The following KCNQ1OT1 variants were observed in gnomAD, a reference collection of about 807,000 sequenced individuals.
KCNQ1OT1 encodes KCNQ1 antisense RNA 2 (non-protein coding).
chr11:2,672,698 G>C (rs186873369), exon 1 of KCNQ1OT1: 1 of 398,886 alleles, frequency 2.5e-6, no homozygotes, highest in East Asian at 3.6e-5. Context: ...GCTGATGGCA[G>C]AGCCAAGGCC....
rs145471896 is a variant in KCNQ1OT1 at position 2,671,575 on chromosome 11, C to T, written n.28420G>A. The T allele has an allele frequency of 2.5e-6, 1 of 398,604 alleles. No individual in the cohort carries two copies. Among genetic ancestry groups the T allele is most frequent in the East Asian group, 3.6e-5 (1 of 28,082 alleles). The allele number at this position is 398,604 out of a possible 1,614,324, so 24.7% of individuals were successfully genotyped here. A position where few individuals can be genotyped will look rare whatever the true frequency, so the allele number is the denominator to read the frequency against. On this transcript the variant is annotated non_coding_transcript_exon_variant, in exon 1 of 1. Transcript: ENST00000597346. This position sits in a 1 kb window ranked among gnomAD's most constrained non-coding sequence, Gnocchi z 4.7. ...TATCTCCTAAGTCTTTGGCACTGAG[C>T]ATTTATACAAGATCAGACTGCACTG...
At position 2,663,838 on chromosome 11, in the gene KCNQ1OT1, G is replaced by A; in HGVS notation, n.36157C>T. 2.5e-6 allele frequency: 1 copy of A among 398,718 alleles called. No homozygotes were observed. Among genetic ancestry groups the A allele is most frequent in the African/African-American group, 2.1e-5 (1 of 48,764 alleles). 24.7% of individuals were successfully genotyped at this position (398,718 alleles called of 1,614,324 possible). On this transcript the variant is annotated non_coding_transcript_exon_variant, in exon 1 of 1. Transcript: ENST00000597346. The surrounding 1 kb of genome is among the most constrained non-coding windows in gnomAD (Gnocchi z 5.2). ...GCTGCCAGTGCTGGTATCAGCACATGCCAAGCTCCCTGGAGCCAGAGGTTA... is the reference window on the plus strand; with the variant it reads ...GCTGCCAGTGCTGGTATCAGCACATACCAAGCTCCCTGGAGCCAGAGGTTA...
At chr11:2,694,976 A>G in exon 1 of KCNQ1OT1, 1 of 398,724 alleles carries the variant, frequency 2.5e-6, no homozygotes, top group East Asian at 3.6e-5. Flanking sequence ...AACAAAGAAG[A>G]AGAAGGCTGG....
chr11:2,629,376 C>A, exon 1 of KCNQ1OT1: 2 of 398,396 alleles, frequency 5.0e-6, no homozygotes, highest in Non-Finnish European at 8.9e-6. Context: ...CTGTGCCTTT[C>A]ATATTATATC....
At position 2,623,794 on chromosome 11, in the gene KCNQ1OT1, G is replaced by T. The variant is rs1373779451; in HGVS notation, n.76201C>A. ...TCCTTTGAGTAAATACCAAGGATGT[G>T]ATTGCTGAACTGCATGGTAAGAATA... On this transcript the variant is annotated non_coding_transcript_exon_variant, in exon 1 of 1. Coordinates refer to ENST00000597346, the Ensembl canonical transcript of KCNQ1OT1. This position sits in a 1 kb window ranked among gnomAD's most constrained non-coding sequence, Gnocchi z 5.2. 9 of 398,412 alleles carry T rather than the reference G, an allele frequency of 2.3e-5. No individual in the cohort carries two copies. The highest frequency in any genetic ancestry group is 4.4e-5 in the Admixed American group (1 of 22,700). 24.7% of individuals were successfully genotyped at this position (398,412 alleles called of 1,614,324 possible).
exon 1 of KCNQ1OT1, chr11:2,630,851 A>G (rs979629045): frequency 7.5e-6 from 3 of 398,368 alleles, no homozygotes; most frequent in African/African-American, 6.2e-5. Flanking sequence ...TTTGCTGTGT[A>G]AAGTATTCTT....
In KCNQ1OT1 at chr11:2,663,534, A is replaced by T. The variant is rs1367043329; in HGVS notation, n.36461T>A. ...TTGCCTCTTGGCTGTCCCCTCAGAG[A>T]GGGGACTGTCCCTTCTCATCCTTCT... On this transcript the variant is annotated non_coding_transcript_exon_variant, in exon 1 of 1. Coordinates refer to ENST00000597346, the Ensembl canonical transcript of KCNQ1OT1. This position sits in a 1 kb window ranked among gnomAD's most constrained non-coding sequence, Gnocchi z 5.2. The T allele has an allele frequency of 2.5e-6, 1 of 398,422 alleles. No homozygotes were observed. The highest frequency in any genetic ancestry group is 4.4e-6 in the Non-Finnish European group (1 of 226,074). 24.7% of individuals were successfully genotyped at this position (398,422 alleles called of 1,614,324 possible). A position where few individuals can be genotyped will look rare whatever the true frequency, so the allele number is the denominator to read the frequency against.
chr11:2,615,514 CA>C lies in KCNQ1OT1; in HGVS notation n.84480del, dbSNP rs1343814717. On this transcript the variant is annotated non_coding_transcript_exon_variant, in exon 1 of 1. Transcript: ENST00000597346. Reference sequence around the variant, plus strand: ...GGAGAAATTTTTCAGTTTTTTTTCTCATTAAGTATATTAGTTGTGGATTTTT... The same window carrying C: ...GGAGAAATTTTTCAGTTTTTTTTCTCTTAAGTATATTAGTTGTGGATTTTT... 21 of 397,706 alleles carry C rather than the reference CA, an allele frequency of 5.3e-5. No individual in the cohort carries two copies. The Admixed American group carries it at 9.3e-4, about 18-fold the overall frequency. 24.6% of individuals were successfully genotyped at this position (397,706 alleles called of 1,614,324 possible). A position where few individuals can be genotyped will look rare whatever the true frequency, so the allele number is the denominator to read the frequency against.
chr11:2,689,655 C>A (rs1431432177), exon 1 of KCNQ1OT1: 10 of 398,582 alleles, frequency 2.5e-5, no homozygotes, highest in Non-Finnish European at 4.4e-5. Flanking sequence ...AGGTCACAAG[C>A]CTCCTGAGAG....
rs79955815 is a variant in KCNQ1OT1 at position 2,630,814 on chromosome 11, G to C, written n.69181C>G. 7.0e-3 allele frequency: 2,773 copies of C among 398,446 alleles called. 54 individuals carry two copies. Among genetic ancestry groups the C allele is most frequent in the African/African-American group, 0.051 (2,500 of 48,740 alleles). 24.7% of individuals were successfully genotyped at this position (398,446 alleles called of 1,614,324 possible). A position where few individuals can be genotyped will look rare whatever the true frequency, so the allele number is the denominator to read the frequency against. The stretch of plus-strand genomic sequence containing the variant: ...ACTTTTGTTTACCTGAGGAAGTCTT[G>C]TATCTGTTTCATATCTGAAGGACAG... On this transcript the variant is annotated non_coding_transcript_exon_variant, in exon 1 of 1. Coordinates refer to ENST00000597346, the Ensembl canonical transcript of KCNQ1OT1.
At position 2,664,487 on chromosome 11, in the gene KCNQ1OT1, G is replaced by A. The variant is rs1850027224; in HGVS notation, n.35508C>T. On this transcript the variant is annotated non_coding_transcript_exon_variant, in exon 1 of 1. Transcript: ENST00000597346. The surrounding 1 kb of genome is among the most constrained non-coding windows in gnomAD (Gnocchi z 5.1). The stretch of plus-strand genomic sequence containing the variant: ...TAGAGGCCCCACTCCATCTGGGGGA[G>A]AAGGCTGGCAGCAGTGGGCACCCTG... 1 of 398,662 alleles carries A rather than the reference G, an allele frequency of 2.5e-6. No individual in the cohort carries two copies. The highest frequency in any genetic ancestry group is 1.3e-4 in the South Asian group (1 of 7,866). 24.7% of individuals were successfully genotyped at this position (398,662 alleles called of 1,614,324 possible).
At chr11:2,636,305 G>T (rs1849463859) in exon 1 of KCNQ1OT1, 1 of 152,104 alleles carries the variant, frequency 6.6e-6, no homozygotes. Context: ...CATTCAGTAT[G>T]ATATTGGCTG....
chr11:2,688,762 CCACCTATACCA>C (rs1230518622), exon 1 of KCNQ1OT1: 1 of 398,836 alleles, frequency 2.5e-6, no homozygotes. Flanking sequence ...GTGGCAGTTT[CCACCTATACCA>C]CACCTATATA....
In KCNQ1OT1 at chr11:2,658,929, T is replaced by C. The variant is rs73417396; in HGVS notation, n.41066A>G. ...CCCTATGTGAAGCAAATTTACCTAC[T>C]AGATTAGAGTGTTTAGGACAGACTT... On this transcript the variant is annotated non_coding_transcript_exon_variant, in exon 1 of 1. Coordinates refer to ENST00000597346, the Ensembl canonical transcript of KCNQ1OT1. The surrounding 1 kb of genome is among the most constrained non-coding windows in gnomAD (Gnocchi z 4.9). 530 of 398,562 alleles carry C rather than the reference T, an allele frequency of 1.3e-3. 5 individuals carry two copies. Among genetic ancestry groups the C allele is most frequent in the African/African-American group, 9.9e-3 (484 of 48,718 alleles). 24.7% of individuals were successfully genotyped at this position (398,562 alleles called of 1,614,324 possible).
rs1383035176 is a variant in KCNQ1OT1, at chr11:2,620,211, A to ATATTTT, written n.79783_79784insAAAATA. On this transcript the variant is annotated non_coding_transcript_exon_variant, in exon 1 of 1. Transcript: ENST00000597346. The surrounding 1 kb of genome is among the most constrained non-coding windows in gnomAD (Gnocchi z 4.5). ...TAAGTTCATTCATGTATATATATAT[A>ATATTTT]TTTTTTTTTTTTATTTTTTTTTTAG... 899 of 261,968 alleles carry ATATTTT rather than the reference A, an allele frequency of 3.4e-3. 6 individuals are homozygous for ATATTTT. The highest frequency in any genetic ancestry group is 0.019 in the African/African-American group (728 of 38,098). The allele number at this position is 261,968 out of a possible 1,614,324, so 16.2% of individuals were successfully genotyped here.
At position 2,647,139 on chromosome 11, in the gene KCNQ1OT1, G is replaced by C; in HGVS notation, n.52856C>G. ...TCATATATGACCTTCATTGAGTTAT[G>C]TTCCTTCTAGACATTATGTGATGAG... On this transcript the variant is annotated non_coding_transcript_exon_variant, in exon 1 of 1. Transcript: ENST00000597346. This position sits in a 1 kb window ranked among gnomAD's most constrained non-coding sequence, Gnocchi z 4.0. 2.5e-6 allele frequency: 1 copy of C among 398,278 alleles called. No individual in the cohort carries two copies. The highest frequency in any genetic ancestry group is 3.6e-5 in the East Asian group (1 of 28,020). The allele number at this position is 398,278 out of a possible 1,614,324, so 24.7% of individuals were successfully genotyped here.
Position 2,623,834 on chromosome 11 carries a change from A to G in KCNQ1OT1, n.76161T>C, listed in dbSNP as rs1849216412. 2.5e-6 allele frequency: 1 copy of G among 398,624 alleles called. No individual in the cohort carries two copies. The highest frequency in any genetic ancestry group is 3.6e-5 in the East Asian group (1 of 28,070). 24.7% of individuals were successfully genotyped at this position (398,624 alleles called of 1,614,324 possible). ...TGGTAAGAATATGTTTAATTTTATAAGAAACCACTGATTTCGATATACTCT... is the reference window on the plus strand; with the variant it reads ...TGGTAAGAATATGTTTAATTTTATAGGAAACCACTGATTTCGATATACTCT... On this transcript the variant is annotated non_coding_transcript_exon_variant, in exon 1 of 1. Transcript: ENST00000597346. The surrounding 1 kb of genome is among the most constrained non-coding windows in gnomAD (Gnocchi z 5.2).
chr11:2,681,596 G>A, exon 1 of KCNQ1OT1: 2 of 398,302 alleles, frequency 5.0e-6, no homozygotes, highest in East Asian at 7.1e-5. Context: ...TAGCTTGCTT[G>A]CTCACTCGCT....
chr11:2,652,150 C>T lies in KCNQ1OT1; in HGVS notation n.47845G>A, dbSNP rs562340107. ...AAGGGACCTGTGTTTCTCAAGCCCGCGCCCTCGGGGCCTGGGGGTGGGGCC... is the reference window on the plus strand; with the variant it reads ...AAGGGACCTGTGTTTCTCAAGCCCGTGCCCTCGGGGCCTGGGGGTGGGGCC... On this transcript the variant is annotated non_coding_transcript_exon_variant, in exon 1 of 1. Transcript: ENST00000597346. The surrounding 1 kb of genome is among the most constrained non-coding windows in gnomAD (Gnocchi z 5.9). 4.0e-4 allele frequency: 158 copies of T among 398,624 alleles called. No individual in the cohort carries two copies. The highest frequency in any genetic ancestry group is 2.7e-3 in the African/African-American group (131 of 48,728). The allele number at this position is 398,624 out of a possible 1,614,324, so 24.7% of individuals were successfully genotyped here. A position where few individuals can be genotyped will look rare whatever the true frequency, so the allele number is the denominator to read the frequency against.
Sources: gnomAD v4.1 joint callset for allele counts on GRCh38, gnomAD v4.1.1 for gene constraint, Gnocchi (gnomAD v3.1) non-coding constraint, MANE v1.5 for transcripts, NCBI Gene and HGNC (gene_info 2026-07-23, HGNC 2026-07-21) for gene names.